Variants in MGAM observed in about 807,000 individuals in gnomAD.
MGAM encodes the protein alpha-1,4-glucosidase.
In MGAM, 253 loss-of-function variants were observed where a neutral mutation model predicts 358.8. The ratio of observed to expected loss-of-function variants is 0.71; its 90% confidence interval spans 0.64 to 0.78. The LOEUF (loss-of-function observed/expected upper bound fraction) is 0.78, where lower values mean the gene tolerates loss of function less well. Among genes scored for constraint, MGAM ranks in the 30% least tolerant of loss-of-function variants. MGAM has a pLI of 0.00. For synonymous variants in MGAM, 1,105 were observed against 1,227.1 expected (o/e 0.90, Z 2.08); for missense variants, 3,080 against 3,432.6 (o/e 0.90, Z 2.57).
chr7:142,043,703 AT>A (rs1809436374), intron 21 of MGAM, among the ~76,000 whole-genome samples: 1 of 137,852 alleles, frequency 7.3e-6, no homozygotes, highest in African/African-American at 2.6e-5. Context: ...TAATACATAT[AT>A]TATATATCAT....
Position 142,078,572 on chromosome 7 carries a change from G to C in MGAM, c.5646+102G>C, listed in dbSNP as rs1225676639. The C allele has an allele frequency of 5.3e-5, 65 of 1,231,378 alleles. 9 individuals are homozygous for C. Among genetic ancestry groups the C allele is most frequent in the Non-Finnish European group, 7.1e-5 (64 of 903,162 alleles). The allele number at this position is 1,231,378 out of a possible 1,614,324, so 76.3% of individuals were successfully genotyped here. A position where few individuals can be genotyped will look rare whatever the true frequency, so the allele number is the denominator to read the frequency against. ...CTTATATAACTACTTAAAATCCATA[G>C]AAAGGACTTCCTAAGGGACATGATC... is the stretch of plus-strand genomic sequence containing the variant. On this transcript the variant is annotated intron_variant, in intron 48 of 70. Transcript: ENST00000475668.
At chr7:142,095,924 G>C (rs903164344) in intron 64 of MGAM, 3 of 762,344 alleles carry the variant, frequency 3.9e-6, no homozygotes, top group Admixed American at 2.9e-5. Flanking sequence ...AAACTGAAAT[G>C]ATGCAGTATA....
chr7:142,021,533 A>G, intron 5 of MGAM, 53 bp from the exon 6 acceptor site: 2 of 1,558,636 alleles, frequency 1.3e-6, no homozygotes, highest in Non-Finnish European at 1.8e-6. Context: ...GGATATTGGG[A>G]AGCTCTGACA....
intron 1 of MGAM, among the ~76,000 whole-genome samples, chr7:141,996,457 T>C (rs1804244330): frequency 6.6e-6 from 1 of 152,216 alleles, no homozygotes. Flanking sequence ...AGGCTGGATC[T>C]ATAAGCCTGA....
chr7:142,078,201 G>A, intron 47 of MGAM, 117 bp from the exon 48 acceptor site: 1 of 849,006 alleles, frequency 1.2e-6, no homozygotes, highest in Non-Finnish European at 1.7e-6. Context: ...TTGGATGGTT[G>A]AAAGTCTGGA....
At chr7:142,026,324 T>G (rs1191919625) in intron 8 of MGAM, among the ~76,000 whole-genome samples, 3 of 152,330 alleles carry the variant, frequency 2.0e-5, no homozygotes, top group Middle Eastern at 6.8e-3. Flanking sequence ...TCTGTGGTTA[T>G]GAAAGTCAGA....
At chr7:142,078,627 GA>G (rs1813953784) in intron 48 of MGAM, among the ~76,000 whole-genome samples, 157 bp downstream of exon 48, 1 of 146,310 alleles carries the variant, frequency 6.8e-6, no homozygotes, top group Admixed American at 6.9e-5. Context: ...GGGACATGTG[GA>G]AAACTTTTTA....
At chr7:142,060,276 T>G (rs1255124064) in intron 33 of MGAM, 35 bp from the exon 34 acceptor site, 1 of 1,606,672 alleles carries the variant, frequency 6.2e-7, no homozygotes, top group African/African-American at 1.3e-5. Flanking sequence ...GGAAATTGTC[T>G]AGTGCATCGC....
rs1814297282 is a variant in MGAM, at chr7:142,081,604, G to C, written c.6003-438G>C. Among the ~76,000 whole-genome samples, 2 of 146,142 alleles carry C rather than the reference G, an allele frequency of 1.4e-5. 1 individual carries two copies. The highest frequency in any genetic ancestry group is 7.0e-3 in the Middle Eastern group (2 of 284). On this transcript the variant is annotated intron_variant, in intron 50 of 70. Coordinates refer to ENST00000475668, the MANE Select transcript of MGAM (RefSeq NM_001365693.1). ...AGGAAGCTGCAACGCCGGTTGAGGG[G>C]GCAGCTTCAGCCTTGAAGGCTTCAT...
chr7:142,039,530 A>G (rs1339484708), intron 19 of MGAM, among the ~76,000 whole-genome samples: 1 of 152,056 alleles, frequency 6.6e-6, no homozygotes, highest in Non-Finnish European at 1.5e-5. Context: ...TCCAGGCCCC[A>G]CCTCCAACAC....
chr7:142,102,855 G>C lies in MGAM; in HGVS notation c.8013+176G>C, dbSNP rs573894602. Among the ~76,000 whole-genome samples the C allele has an allele frequency of 4.6e-5, 7 of 152,286 alleles. No individual in the cohort carries two copies. In the South Asian group the frequency reaches 1.5e-3, roughly 32 times the overall value. ...TTACTATGCTCCCAGGAGGCTTTCTGCAATTAAACCTATCCACATCTCATC... is the reference window on the plus strand; with the variant it reads ...TTACTATGCTCCCAGGAGGCTTTCTCCAATTAAACCTATCCACATCTCATC... On this transcript the variant is annotated intron_variant, in intron 69 of 70. Transcript: ENST00000475668.
In MGAM at chr7:142,021,028, T is replaced by C; in HGVS notation, c.503T>C (p.Val168Ala). 1 of 1,613,710 alleles carries C rather than the reference T, an allele frequency of 6.2e-7. No homozygotes were observed. Among genetic ancestry groups the C allele is most frequent in the South Asian group, 1.1e-5 (1 of 91,060 alleles). ...LPSSPVFGSN[V>A]DNVLLTAEYQ... ...TCTTCACCAGTGTTTGGAAGCAATG[T>C]TGACAATGTTCTTCTCACAGCAGAA... The change falls in exon 5 of 71, where the codon GTT (valine) becomes GCT (alanine). Residue 168 changes from valine (V) to alanine (A), a missense_variant. Transcript: ENST00000475668.
At chr7:142,045,269 T>C (rs1810019831) in intron 21 of MGAM, among the ~76,000 whole-genome samples, 1 of 100,868 alleles carries the variant, frequency 9.9e-6, no homozygotes, top group African/African-American at 4.2e-5. Flanking sequence ...ATATATATTA[T>C]ATATACCTAT....
intron 15 of MGAM, 100 bp downstream of exon 15, chr7:142,034,479 T>G: frequency 9.4e-7 from 1 of 1,065,738 alleles, no homozygotes; most frequent in Non-Finnish European, 1.4e-6. Flanking sequence ...TAAAATTTCT[T>G]AAGACAAAAC....
intron 10 of MGAM, among the ~76,000 whole-genome samples, chr7:142,027,992 T>C (rs537639786): frequency 6.6e-6 from 1 of 152,280 alleles, no homozygotes; most frequent in African/African-American, 2.4e-5. Context: ...TTTGTCTCTA[T>C]TTTTCTTATT....
intron 2 of MGAM, among the ~76,000 whole-genome samples, chr7:142,006,381 G>A (rs1008903200): frequency 6.6e-6 from 1 of 152,106 alleles, no homozygotes; most frequent in Middle Eastern, 3.4e-3. Flanking sequence ...AGCTTTCCCG[G>A]GCATTTTTCT....
In MGAM at chr7:142,047,782, C is replaced by T. The variant is rs1424069568; in HGVS notation, c.2499-3C>T. 3 of 1,610,784 alleles carry T rather than the reference C, an allele frequency of 1.9e-6. No homozygotes were observed. Among genetic ancestry groups the T allele is most frequent in the Non-Finnish European group, 2.5e-6 (3 of 1,177,166 alleles). ...TTTGTGTCTTGAATCTTGTTCCCCA[C>T]AGTCGAAAGAACCCTCTTGGTCTTA... On this transcript the variant is annotated splice_polypyrimidine_tract_variant and splice_region_variant and intron_variant, in intron 21 of 70. Transcript: ENST00000475668.
chr7:142,085,813 C>T lies in MGAM; in HGVS notation c.6508-20C>T, dbSNP rs753462374. 16 of 1,560,640 alleles carry T rather than the reference C, an allele frequency of 1.0e-5. No individual in the cohort carries two copies. The highest frequency in any genetic ancestry group is 1.4e-5 in the Non-Finnish European group (16 of 1,138,058). On this transcript the variant is annotated intron_variant, in intron 54 of 70. Coordinates refer to ENST00000475668, the MANE Select transcript of MGAM (RefSeq NM_001365693.1). ...GGCGTGTACAGCAGCAGCCTCTCAG[C>T]TCCCCATGTCCTCCCGCAGGACGTG...
intron 2 of MGAM, among the ~76,000 whole-genome samples, chr7:141,990,650 T>G (rs1210818764): frequency 2.6e-5 from 4 of 152,112 alleles, no homozygotes; most frequent in Non-Finnish European, 5.9e-5. Flanking sequence ...ACAGGTTCTG[T>G]TATTTCTTTT....
Sources: allele counts gnomAD v4.1 joint callset (sites outside exome capture counted in the v4.1 genomes callset), GRCh38; gene constraint gnomAD v4.1.1; transcripts MANE v1.5; gene names NCBI Gene and HGNC (gene_info 2026-07-23, HGNC 2026-07-21).